Variants in ADAP1 observed in about 807,000 individuals in gnomAD.
ADAP1 encodes the protein arf-GAP with dual PH domain-containing protein 1.
A neutral mutation model predicts 54.9 loss-of-function variants in ADAP1; 31 were observed. The observed-to-expected ratio is 0.56, with a 90% CI of 0.42 to 0.76. The LOEUF (loss-of-function observed/expected upper bound fraction) is 0.76. Among genes scored for constraint, ADAP1 ranks in the 30% least tolerant of loss-of-function variants. ADAP1 has a pLI of 0.00. For synonymous variants in ADAP1, 313 were observed against 202.6 expected, an observed-to-expected ratio of 1.55 and a Z score of -4.63; for missense variants, 535 against 512.4, an observed-to-expected ratio of 1.04 and a Z score of -0.42.
intron 2 of ADAP1, among the ~76,000 whole-genome samples, chr7:931,212 C>T (rs534944190): frequency 6.6e-4 from 100 of 152,112 alleles, no homozygotes; most frequent in South Asian, 3.1e-3. Context: ...AGGGTGGGGA[C>T]GGTGCTCAAA....
At chr7:939,073 T>C (rs1846863492) in intron 1 of ADAP1, among the ~76,000 whole-genome samples, 1 of 152,206 alleles carries the variant, frequency 6.6e-6, no homozygotes, top group Admixed American at 6.5e-5. Context: ...GGAGCTGGAC[T>C]CTACGGCGTG....
intron 1 of ADAP1, among the ~76,000 whole-genome samples, 174 bp from the exon 2 acceptor site, chr7:935,679 C>CCG (rs1846737329): frequency 6.7e-6 from 1 of 149,950 alleles, no homozygotes; most frequent in African/African-American, 2.4e-5. Flanking sequence ...GCTCCCCCCC[C>CCG]GCCCTCTGCC....
At chr7:907,987 T>C (rs2128099456) in intron 4 of ADAP1, among the ~76,000 whole-genome samples, 1 of 151,620 alleles carries the variant, frequency 6.6e-6, no homozygotes, top group East Asian at 2.0e-4. Flanking sequence ...CTTCCCGGGG[T>C]CGTGGGGCCG....
chr7:901,040 G>A (rs1301881946), intron 6 of ADAP1: 2 of 472,740 alleles, frequency 4.2e-6, no homozygotes, highest in Non-Finnish European at 8.8e-6. Context: ...GTCTTGGGGT[G>A]GTGGGAGAAG....
chr7:902,864 C>A (rs899098514), intron 6 of ADAP1, among the ~76,000 whole-genome samples: 1 of 152,190 alleles, frequency 6.6e-6, no homozygotes, highest in Non-Finnish European at 1.5e-5. Flanking sequence ...GGTGCAAAGC[C>A]TTCAGAATTA....
rs1266053968 is a variant in ADAP1 at position 926,253 on chromosome 7, G to A, written c.305+300C>T. Among the ~76,000 whole-genome samples the A allele has an allele frequency of 6.6e-6, 1 of 151,554 alleles. No homozygotes were observed. The highest frequency in any genetic ancestry group is 1.5e-5 in the Non-Finnish European group (1 of 67,814). On this transcript the variant is annotated intron_variant, in intron 3 of 10. Coordinates refer to ENST00000265846, the MANE Select transcript of ADAP1 (RefSeq NM_006869.4). This position sits in a 1 kb window ranked among gnomAD's most constrained non-coding sequence, Gnocchi z 4.6. ...CCCTCCCAGACCGCCAGGAGCACCT[G>A]GGAGGGCCCCTCAGATCCACCCGAG... is the stretch of plus-strand genomic sequence containing the variant.
chr7:923,061 T>A (rs1846247126), intron 3 of ADAP1: 1 of 151,786 alleles, frequency 6.6e-6, no homozygotes, highest in Non-Finnish European at 1.5e-5. Flanking sequence ...GAAGGGGAAT[T>A]AGGACACAGA....
chr7:955,367 G>C (rs79805216), upstream of ADAP1: 31,913 of 1,550,252 alleles, frequency 0.021, 1,511 homozygotes, highest in East Asian at 0.24. Context: ...TCTTCTTGCA[G>C]GGTTAATGCA....
intron 4 of ADAP1, among the ~76,000 whole-genome samples, chr7:907,625 C>T (rs943047002): frequency 6.6e-6 from 1 of 152,194 alleles, no homozygotes; most frequent in African/African-American, 2.4e-5. Flanking sequence ...TATCGTTGCC[C>T]GTCCTTTCTC....
At chr7:936,294 G>A (rs1322124727) in intron 1 of ADAP1, among the ~76,000 whole-genome samples, 7 of 151,950 alleles carry the variant, frequency 4.6e-5, no homozygotes, top group African/African-American at 1.7e-4. Flanking sequence ...TCTGCCTCCC[G>A]GGTTCAAGCG....
intron 2 of ADAP1, 108 bp downstream of exon 2, chr7:935,267 C>T: frequency 1.4e-6 from 2 of 1,447,096 alleles, no homozygotes; most frequent in Admixed American, 2.1e-5. Context: ...CAGAGTAGCC[C>T]AAGGCTCCAG....
intron 2 of ADAP1, among the ~76,000 whole-genome samples, chr7:928,969 G>A (rs941287236): frequency 2.9e-4 from 44 of 152,204 alleles, no homozygotes; most frequent in Non-Finnish European, 4.7e-4. Flanking sequence ...AAATGTGATC[G>A]AGCCACACCA....
intron 4 of ADAP1, among the ~76,000 whole-genome samples, chr7:912,284 A>T (rs1845756091): frequency 6.6e-6 from 1 of 150,506 alleles, no homozygotes; most frequent in African/African-American, 2.4e-5. Context: ...GGACAACATG[A>T]GGCATTGTCC....
intron 4 of ADAP1, among the ~76,000 whole-genome samples, chr7:909,990 C>T (rs927481507): frequency 2.6e-5 from 4 of 152,216 alleles, no homozygotes; most frequent in African/African-American, 9.6e-5. Context: ...AGGAGCCCTT[C>T]TGCCCACCGC....
chr7:901,985 G>A (rs977763686), intron 6 of ADAP1, among the ~76,000 whole-genome samples: 37 of 152,134 alleles, frequency 2.4e-4, no homozygotes, highest in African/African-American at 6.5e-4. Flanking sequence ...CCGGGCAGAC[G>A]GGGCATGCCT....
At chr7:900,277 G>A (rs1458113285) in intron 7 of ADAP1, 113 bp from the exon 8 acceptor site, 10 of 1,349,970 alleles carry the variant, frequency 7.4e-6, no homozygotes, top group African/African-American at 1.4e-5. Flanking sequence ...TCAGGGCCCA[G>A]GCCTGGCTTA....
intron 1 of ADAP1, among the ~76,000 whole-genome samples, chr7:954,154 G>GA (rs1370587146): frequency 1.3e-5 from 2 of 151,494 alleles, no homozygotes; most frequent in Non-Finnish European, 3.0e-5. Context: ...CGGCAGGGGG[G>GA]TTTCCGGGGG....
rs765052479 is a variant in ADAP1 at position 905,083 on chromosome 7, G to A, written c.478C>T (p.Leu160=). 1.2e-6 allele frequency: 2 copies of A among 1,611,934 alleles called. No homozygotes were observed. The highest frequency in any genetic ancestry group is 1.7e-6 in the Non-Finnish European group (2 of 1,179,892). ...KFVLTEREGA[L]KYFNRNDAKE... is the part of the protein sequence containing the mutation. ...ACATCATTTCTGTTGAAATACTTCAGAGCACCCTCTCGTTCTGTCAGCACA... is the reference window on the plus strand; with the variant it reads ...ACATCATTTCTGTTGAAATACTTCAAAGCACCCTCTCGTTCTGTCAGCACA... The change falls in exon 5 of 11, where the codon CTG becomes TTG. Residue 160 remains leucine (L), a synonymous_variant. Transcript: ENST00000265846.
At position 899,619 on chromosome 7, in the gene ADAP1, G is replaced by A. The variant is rs915359433; in HGVS notation, c.796-129C>T. 5 of 1,075,896 alleles carry A rather than the reference G, an allele frequency of 4.6e-6. No individual in the cohort carries two copies. The African/African-American group carries it at 4.8e-5, about 10-fold the overall frequency. 66.6% of individuals were successfully genotyped at this position (1,075,896 alleles called of 1,614,324 possible). A position where few individuals can be genotyped will look rare whatever the true frequency, so the allele number is the denominator to read the frequency against. On this transcript the variant is annotated intron_variant, in intron 8 of 10. Coordinates refer to ENST00000265846, the MANE Select transcript of ADAP1 (RefSeq NM_006869.4). ...CAGTCACCTCCATTCACTCACGCCT[G>A]CCGCTGGCCACGCCCCACGAGGCCT... is the stretch of plus-strand genomic sequence containing the variant.
Sources: gnomAD v4.1 joint callset for allele counts (sites outside exome capture counted in the v4.1 genomes callset) on GRCh38, gnomAD v4.1.1 for gene constraint, Gnocchi (gnomAD v3.1) non-coding constraint, MANE v1.5 for transcripts, NCBI Gene and HGNC (gene_info 2026-07-23, HGNC 2026-07-21) for gene names.